Variants in CDK19 observed in about 807,000 individuals in gnomAD.
CDK19 encodes cyclin-dependent kinase 19.
CDK19 carries 20 observed loss-of-function variants against 68.3 expected under a neutral mutation model. That is an observed-to-expected ratio of 0.29 (90% CI 0.21 to 0.43). The LOEUF (loss-of-function observed/expected upper bound fraction) is 0.43, where lower values mean the gene tolerates loss of function less well. Ranked by LOEUF, CDK19 falls within the 20% of genes least tolerant of loss-of-function variation. CDK19 has a pLI of 1.00. For synonymous variants in CDK19, 221 were observed against 222.8 expected (o/e 0.99, Z 0.07); for missense variants, 339 against 623.5 (o/e 0.54, Z 4.86).
chr6:110,714,831 G>A (rs917962424), intron 2 of CDK19, among the ~76,000 whole-genome samples: 1 of 150,058 alleles, frequency 6.7e-6, no homozygotes, highest in African/African-American at 2.5e-5. Context: ...ACTCTCAGGT[G>A]CAAGCAATTC....
intron 4 of CDK19, among the ~76,000 whole-genome samples, chr6:110,650,659 T>A (rs1216755524): frequency 6.6e-6 from 1 of 151,902 alleles, no homozygotes; most frequent in Non-Finnish European, 1.5e-5. Context: ...CAGCTGGGTG[T>A]CTAAGGGAAG....
At chr6:110,776,199 C>T (rs802667) in intron 1 of CDK19, among the ~76,000 whole-genome samples, 23,787 of 152,046 alleles carry the variant, frequency 0.16, 2,077 homozygotes, top group East Asian at 0.32. Flanking sequence ...GAGACTGAGG[C>T]AGGTGGATCA....
chr6:110,658,705 CT>C (rs1406838044), intron 4 of CDK19, among the ~76,000 whole-genome samples: 1 of 152,106 alleles, frequency 6.6e-6, no homozygotes, highest in Non-Finnish European at 1.5e-5. Flanking sequence ...ACACAGCCTA[CT>C]TTTTTTGTTT....
intron 1 of CDK19, among the ~76,000 whole-genome samples, chr6:110,808,463 T>C (rs1007241832): frequency 6.6e-6 from 1 of 152,250 alleles, no homozygotes; most frequent in Non-Finnish European, 1.5e-5. Flanking sequence ...TATCTGTCGA[T>C]GCTTTGGCAC....
In CDK19 at chr6:110,714,722, C is replaced by CTTT. The variant is rs112875656; in HGVS notation, c.204+31401_204+31403dup. The stretch of plus-strand genomic sequence containing the variant: ...TATCTTCTTTGGAAAAATGTCTTTT[C>CTTT]TTTTTTTTTTTTTTTTTTTTTAATT... On this transcript the variant is annotated intron_variant, in intron 2 of 12. Transcript: ENST00000368911. Among the ~76,000 whole-genome samples the CTTT allele has an allele frequency of 1.9e-3, 134 of 69,794 alleles. 2 individuals are homozygous for CTTT. Among genetic ancestry groups the CTTT allele is most frequent in the South Asian group, 9.0e-3 (24 of 2,664 alleles). The allele number at this position is 69,794 out of a possible 152,430, so 45.8% of individuals were successfully genotyped here. A position where few individuals can be genotyped will look rare whatever the true frequency, so the allele number is the denominator to read the frequency against.
At chr6:110,674,864 T>G (rs987193568) in intron 2 of CDK19, among the ~76,000 whole-genome samples, 1 of 148,958 alleles carries the variant, frequency 6.7e-6, no homozygotes, top group Non-Finnish European at 1.5e-5. Flanking sequence ...ATTATGCCAA[T>G]GTACTCCAGC....
intron 2 of CDK19, among the ~76,000 whole-genome samples, chr6:110,721,196 C>T (rs943584311): frequency 2.0e-5 from 3 of 152,080 alleles, no homozygotes; most frequent in African/African-American, 7.2e-5. Context: ...GCCAAGATTG[C>T]ACCACTGCAC....
intron 1 of CDK19, among the ~76,000 whole-genome samples, chr6:110,769,432 G>T (rs1309787397): frequency 6.6e-6 from 1 of 151,600 alleles, no homozygotes; most frequent in African/African-American, 2.4e-5. Context: ...GGGCATAGTG[G>T]TACATGCCTG....
At chr6:110,789,155 T>C (rs1157993869) in intron 1 of CDK19, among the ~76,000 whole-genome samples, 1 of 152,246 alleles carries the variant, frequency 6.6e-6, no homozygotes, top group Non-Finnish European at 1.5e-5. Context: ...GTACAGTATG[T>C]ACAACAGTGA....
chr6:110,763,670 C>T (rs1279319002), intron 1 of CDK19, among the ~76,000 whole-genome samples: 2 of 151,932 alleles, frequency 1.3e-5, no homozygotes, highest in Non-Finnish European at 2.9e-5. Context: ...CCGCCTCGGA[C>T]TCCCAAAGTG....
intron 2 of CDK19, among the ~76,000 whole-genome samples, chr6:110,711,032 C>A (rs566067064): frequency 6.6e-4 from 100 of 152,126 alleles, no homozygotes; most frequent in African/African-American, 2.3e-3. Flanking sequence ...CCATTAAAAA[C>A]TATAAAGTTC....
chr6:110,703,406 T>C (rs1582901615), intron 2 of CDK19, among the ~76,000 whole-genome samples: 2 of 152,120 alleles, frequency 1.3e-5, no homozygotes, highest in East Asian at 1.9e-4. Flanking sequence ...GGAGTTTTTA[T>C]ATGTCAATTC....
chr6:110,721,536 G>A (rs1775888947), intron 2 of CDK19, among the ~76,000 whole-genome samples: 1 of 152,086 alleles, frequency 6.6e-6, no homozygotes, highest in East Asian at 1.9e-4. Context: ...CAGATAAAAG[G>A]ATTCCCAAGG....
chr6:110,763,277 G>C (rs909247299), intron 1 of CDK19, among the ~76,000 whole-genome samples: 9 of 152,188 alleles, frequency 5.9e-5, no homozygotes, highest in African/African-American at 2.2e-4. Context: ...TCTGATATAA[G>C]CAGTACTTGA....
At chr6:110,741,034 G>C (rs1266501047) in intron 2 of CDK19, among the ~76,000 whole-genome samples, 2 of 152,044 alleles carry the variant, frequency 1.3e-5, no homozygotes, top group Non-Finnish European at 2.9e-5. Context: ...CCAACAAAAA[G>C]AATGATGAAA....
At chr6:110,726,216 C>T (rs1776303774) in intron 2 of CDK19, among the ~76,000 whole-genome samples, 1 of 152,122 alleles carries the variant, frequency 6.6e-6, no homozygotes, top group South Asian at 2.1e-4. Context: ...ATTTCACATA[C>T]TTTTTCTGTA....
At chr6:110,684,747 G>C (rs1395045370) in intron 2 of CDK19, among the ~76,000 whole-genome samples, 1 of 152,124 alleles carries the variant, frequency 6.6e-6, no homozygotes, top group Non-Finnish European at 1.5e-5. Flanking sequence ...AAAATCCACA[G>C]ATCCAAAACT....
At chr6:110,787,693 T>C (rs1781325751) in intron 1 of CDK19, among the ~76,000 whole-genome samples, 1 of 151,976 alleles carries the variant, frequency 6.6e-6, no homozygotes, top group Non-Finnish European at 1.5e-5. Flanking sequence ...CCTCCTGCCT[T>C]GGCCTGCCAA....
intron 1 of CDK19, among the ~76,000 whole-genome samples, chr6:110,810,204 CTT>C (rs1364813289): frequency 1.3e-5 from 2 of 152,248 alleles, no homozygotes; most frequent in East Asian, 3.9e-4. Flanking sequence ...ATGTAAATGT[CTT>C]TACATGACAA....
Sources: gnomAD v4.1 joint callset for allele counts (sites outside exome capture counted in the v4.1 genomes callset) on GRCh38, gnomAD v4.1.1 for gene constraint, MANE v1.5 for transcripts, NCBI Gene and HGNC (gene_info 2026-07-23, HGNC 2026-07-21) for gene names.